Variants in KAZN observed in about 807,000 individuals in gnomAD.
KAZN encodes kazrin, periplakin interacting protein.
In KAZN, 40 loss-of-function variants were observed where a neutral mutation model predicts 87.4. That is an observed-to-expected ratio of 0.46 (90% CI 0.36 to 0.60). The LOEUF (loss-of-function observed/expected upper bound fraction) is 0.60. KAZN is among the 20% of genes least tolerant of loss of function. KAZN has a pLI of 0.00. For missense variants in KAZN, 898 were observed against 1,073.9 expected (o/e 0.84, Z 2.29); for synonymous variants, 466 against 458.3 (o/e 1.02, Z -0.22).
intron 2 of KAZN, among the ~76,000 whole-genome samples, chr1:14,519,972 G>A (rs988376028): frequency 5.3e-5 from 8 of 152,294 alleles, no homozygotes; most frequent in East Asian, 1.9e-4. Context: ...ACGAGCCCAG[G>A]CATCTGTCAC....
intron 1 of KAZN, among the ~76,000 whole-genome samples, chr1:14,175,454 G>C (rs1267201709): frequency 2.0e-5 from 3 of 152,210 alleles, no homozygotes; most frequent in African/African-American, 2.4e-5. Flanking sequence ...TTCTCTGATG[G>C]AATTTATTCT....
chr1:14,514,541 T>G (rs1671172948), intron 2 of KAZN, among the ~76,000 whole-genome samples: 1 of 74,926 alleles, frequency 1.3e-5, no homozygotes, highest in Admixed American at 1.8e-4. Context: ...ATATATTTTA[T>G]ATATAATATA....
chr1:15,018,582 G>T (rs1234154207), intron 2 of KAZN, among the ~76,000 whole-genome samples: 1 of 139,888 alleles, frequency 7.1e-6, no homozygotes, highest in African/African-American at 2.8e-5. Flanking sequence ...TTGCTGCAGA[G>T]ACTTTAGGGA....
chr1:14,206,632 A>G lies in KAZN; in HGVS notation c.249+26040A>G, dbSNP rs183342341. 2.7e-3 allele frequency among the ~76,000 whole-genome samples: 416 copies of G among 152,250 alleles called. 2 individuals are homozygous for G. Among genetic ancestry groups the G allele is most frequent in the Middle Eastern group, 0.014 (4 of 294 alleles). On this transcript the variant is annotated intron_variant, in intron 2 of 16. Transcript: ENST00000636203. The stretch of plus-strand genomic sequence containing the variant: ...CTTTTAGTTTTTATAACATTTTTAA[A>G]CAAAATTATAATTTTCCTTTTATGT...
intron 2 of KAZN, among the ~76,000 whole-genome samples, chr1:15,024,648 G>A (rs1671005510): frequency 6.6e-6 from 1 of 152,248 alleles, no homozygotes; most frequent in Non-Finnish European, 1.5e-5. Flanking sequence ...CAGGCTAATA[G>A]CGGGAGAGCC....
At chr1:14,056,405 CAA>C (rs1374123254) in intron 1 of KAZN, among the ~76,000 whole-genome samples, 1 of 152,108 alleles carries the variant, frequency 6.6e-6, no homozygotes, top group Non-Finnish European at 1.5e-5. Flanking sequence ...GACCACAGGG[CAA>C]AGAGTGTGGA....
At chr1:14,384,296 A>G (rs1661660025) in intron 2 of KAZN, among the ~76,000 whole-genome samples, 1 of 151,964 alleles carries the variant, frequency 6.6e-6, no homozygotes, top group Non-Finnish European at 1.5e-5. Context: ...TCCTAATTGA[A>G]TACCCTTTAT....
chr1:14,147,096 C>T (rs1645369828), intron 1 of KAZN, among the ~76,000 whole-genome samples: 1 of 152,008 alleles, frequency 6.6e-6, no homozygotes, highest in South Asian at 2.1e-4. Flanking sequence ...ACTTTCTTTT[C>T]TTCAGCTTAC....
chr1:15,083,560 A>G (rs1429106947), intron 8 of KAZN, among the ~76,000 whole-genome samples: 2 of 152,176 alleles, frequency 1.3e-5, no homozygotes, highest in African/African-American at 4.8e-5. Flanking sequence ...GAGCAGTCCA[A>G]AGGATGGACA....
chr1:14,063,068 A>T (rs1240393754), intron 1 of KAZN, among the ~76,000 whole-genome samples: 1 of 152,186 alleles, frequency 6.6e-6, no homozygotes, highest in East Asian at 1.9e-4. Flanking sequence ...TTTCATTACC[A>T]ATTCCAAATT....
At chr1:14,708,073 TCTC>T (rs1258679882) in intron 1 of KAZN, among the ~76,000 whole-genome samples, 1 of 152,192 alleles carries the variant, frequency 6.6e-6, no homozygotes, top group African/African-American at 2.4e-5. Context: ...ACACCGGCCT[TCTC>T]CTCACTGGCT....
intron 1 of KAZN, among the ~76,000 whole-genome samples, chr1:14,765,934 G>A (rs945187859): frequency 5.3e-5 from 8 of 152,158 alleles, no homozygotes; most frequent in South Asian, 4.1e-4. Flanking sequence ...GCAAATCAGC[G>A]CCAGCACTGC....
At chr1:14,133,710 G>A (rs1557502708) in intron 1 of KAZN, among the ~76,000 whole-genome samples, 1 of 152,154 alleles carries the variant, frequency 6.6e-6, no homozygotes, top group Admixed American at 6.6e-5. Context: ...ATGGTGACTT[G>A]TGACCTTGTC....
intron 1 of KAZN, among the ~76,000 whole-genome samples, chr1:14,910,900 T>C (rs1657174181): frequency 6.6e-6 from 1 of 152,192 alleles, no homozygotes; most frequent in Admixed American, 6.5e-5. Context: ...AAAAAAACAC[T>C]GTGGGAAAAA....
intron 2 of KAZN, among the ~76,000 whole-genome samples, chr1:14,219,451 C>G (rs192094679): frequency 1.1e-3 from 165 of 152,150 alleles, no homozygotes; most frequent in African/African-American, 3.6e-3. Flanking sequence ...AACTAATAAG[C>G]TTTTTAAAAC....
At chr1:14,293,838 C>T (rs1443232616) in intron 2 of KAZN, among the ~76,000 whole-genome samples, 1 of 152,094 alleles carries the variant, frequency 6.6e-6, no homozygotes, top group Admixed American at 6.5e-5. Context: ...CCTCAGTTTC[C>T]CCAAGGTGGT....
chr1:14,206,879 C>G (rs1207987451), intron 2 of KAZN, among the ~76,000 whole-genome samples: 1 of 151,932 alleles, frequency 6.6e-6, no homozygotes, highest in African/African-American at 2.4e-5. Flanking sequence ...CCAGGTTTTT[C>G]TTTGCTCTAA....
At chr1:14,056,357 G>C (rs536637345) in intron 1 of KAZN, among the ~76,000 whole-genome samples, 53 of 152,314 alleles carry the variant, frequency 3.5e-4, no homozygotes, top group Middle Eastern at 3.4e-3. Context: ...TAGAGTCAAA[G>C]GAGATGTCAC....
intron 2 of KAZN, among the ~76,000 whole-genome samples, chr1:14,341,893 C>T (rs1657753998): frequency 6.6e-6 from 1 of 152,130 alleles, no homozygotes; most frequent in Non-Finnish European, 1.5e-5. Flanking sequence ...AAATTTGTGA[C>T]ATGGGGGTTT....
Sources: gnomAD v4.1 joint callset for allele counts (sites outside exome capture counted in the v4.1 genomes callset) on GRCh38, gnomAD v4.1.1 for gene constraint, MANE v1.5 for transcripts, NCBI Gene and HGNC (gene_info 2026-07-23, HGNC 2026-07-21) for gene names.